The following DISC1 variants were observed in gnomAD, a reference collection of about 807,000 sequenced individuals.
DISC1 encodes the protein DISC1 scaffold protein.
Under a neutral mutation model 84.5 loss-of-function variants are expected in DISC1, and 57 were observed. That is an observed-to-expected ratio of 0.67 (90% CI 0.55 to 0.84). DISC1 has a LOEUF of 0.84. Among genes scored for constraint, DISC1 ranks in the 40% least tolerant of loss-of-function variants. DISC1 has a pLI of 0.00. For missense variants in DISC1, 1,000 were observed against 1,057.8 expected, an observed-to-expected ratio of 0.95 and a Z score of 0.76; for synonymous variants, 411 against 415.2, an observed-to-expected ratio of 0.99 and a Z score of 0.12.
chr1:232,025,630 T>C (rs1232519067), intron 11 of DISC1, among the ~76,000 whole-genome samples: 4 of 147,478 alleles, frequency 2.7e-5, no homozygotes, highest in Non-Finnish European at 5.9e-5. Flanking sequence ...GGAGTCTCGC[T>C]CTGTCGCCCA....
At chr1:232,025,680 T>C (rs1390348651) in intron 11 of DISC1, among the ~76,000 whole-genome samples, 1 of 149,620 alleles carries the variant, frequency 6.7e-6, no homozygotes, top group Admixed American at 6.7e-5. Context: ...CACTGCAAGC[T>C]CCGCCTCCTG....
At chr1:231,697,863 C>G (rs112498664) in intron 2 of DISC1, among the ~76,000 whole-genome samples, 27 of 152,260 alleles carry the variant, frequency 1.8e-4, no homozygotes, top group African/African-American at 6.3e-4. Context: ...TCTCATACTA[C>G]AAACTAGTAT....
intron 4 of DISC1, among the ~76,000 whole-genome samples, chr1:231,766,307 A>AAC (rs397951947): frequency 6.8e-6 from 1 of 146,264 alleles, no homozygotes; most frequent in Non-Finnish European, 1.5e-5. Context: ...AAAAAAAAAA[A>AAC]CAAAATTAAG....
chr1:232,022,263 AC>A (rs1202284227), intron 11 of DISC1, among the ~76,000 whole-genome samples: 8 of 151,302 alleles, frequency 5.3e-5, no homozygotes, highest in Non-Finnish European at 1.0e-4. Flanking sequence ...TCATTTATGG[AC>A]TAAGAGGCAG....
chr1:231,762,215 CTTCTTTTCTTTTCTTTTCTT>C (rs71179792), intron 4 of DISC1, among the ~76,000 whole-genome samples: 1 of 80,246 alleles, frequency 1.2e-5, no homozygotes, highest in African/African-American at 4.6e-5. Flanking sequence ...TTTCTTTTCT[CTTCTTTTCTTTTCTTTTCTT>C]TTCTTTTCTT....
At chr1:231,847,231 T>C (rs2083514688) in intron 9 of DISC1, among the ~76,000 whole-genome samples, 1 of 152,048 alleles carries the variant, frequency 6.6e-6, no homozygotes, top group Non-Finnish European at 1.5e-5. Context: ...TCCCTTTGTG[T>C]GTGTCTGTGT....
At chr1:231,712,335 A>G (rs768423642) in intron 3 of DISC1, among the ~76,000 whole-genome samples, 1 of 152,244 alleles carries the variant, frequency 6.6e-6, no homozygotes, top group Non-Finnish European at 1.5e-5. Flanking sequence ...TATACGGCAT[A>G]ACCACCAAAA....
chr1:232,000,644 T>C (rs1425946793), intron 10 of DISC1, among the ~76,000 whole-genome samples: 1 of 152,084 alleles, frequency 6.6e-6, no homozygotes. Flanking sequence ...CTAAGACACA[T>C]AAGAATTGAA....
Position 231,919,399 on chromosome 1 carries a change from A to G in DISC1, c.1982-39429A>G, listed in dbSNP as rs558435823. Among the ~76,000 whole-genome samples, 6 of 152,314 alleles carry G rather than the reference A, an allele frequency of 3.9e-5. No individual in the cohort carries two copies. The East Asian group carries it at 5.8e-4, about 15-fold the overall frequency. ...TTTGGGTGGATTTCTTTTTCCTCCA[A>G]TGCTTAAAAGGTTTAGTAAGTGAAT... On this transcript the variant is annotated intron_variant, in intron 9 of 12. Transcript: ENST00000439617.
intron 4 of DISC1, among the ~76,000 whole-genome samples, chr1:231,764,198 C>T (rs1344092857): frequency 6.6e-6 from 1 of 152,160 alleles, no homozygotes; most frequent in African/African-American, 2.4e-5. Context: ...ATGTCTGCTC[C>T]TCTGCAGGGG....
At chr1:231,756,940 C>G (rs1244484798) in intron 4 of DISC1, among the ~76,000 whole-genome samples, 2 of 152,094 alleles carry the variant, frequency 1.3e-5, no homozygotes, top group African/African-American at 4.8e-5. Flanking sequence ...TTTCAGTGTG[C>G]CAGCTACCCA....
intron 7 of DISC1, among the ~76,000 whole-genome samples, chr1:231,796,737 T>C (rs1241210075): frequency 2.6e-5 from 4 of 152,142 alleles, no homozygotes; most frequent in African/African-American, 9.7e-5. Context: ...TCTGCTCTGC[T>C]CACCCAAAGG....
At chr1:231,944,093 G>A (rs540266269) in intron 9 of DISC1, 1 of 152,256 alleles carries the variant, frequency 6.6e-6, no homozygotes, top group East Asian at 1.9e-4. Flanking sequence ...GAATTCCTTG[G>A]ACTCTATATC....
intron 1 of DISC1, among the ~76,000 whole-genome samples, chr1:231,653,425 T>C (rs1285833560): frequency 1.3e-5 from 2 of 151,908 alleles, no homozygotes; most frequent in Non-Finnish European, 2.9e-5. Context: ...AGCTGGCTGA[T>C]AGTGGAAGAG....
At chr1:231,710,579 T>C (rs2067693217) in intron 3 of DISC1, among the ~76,000 whole-genome samples, 1 of 152,178 alleles carries the variant, frequency 6.6e-6, no homozygotes. Flanking sequence ...TAGAAACTTA[T>C]TGTCTCACTG....
chr1:231,808,962 G>A (rs1380785398), intron 8 of DISC1, among the ~76,000 whole-genome samples: 2 of 152,216 alleles, frequency 1.3e-5, no homozygotes, highest in South Asian at 2.1e-4. Flanking sequence ...TTGTCCCTGG[G>A]CCACTCCAGA....
chr1:231,765,061 G>A (rs1042482826), intron 4 of DISC1, among the ~76,000 whole-genome samples: 4 of 151,998 alleles, frequency 2.6e-5, no homozygotes, highest in East Asian at 1.9e-4. Flanking sequence ...GTGGTGGCGC[G>A]TGCCTGTAGT....
chr1:231,634,874 A>C (rs866664772), intron 1 of DISC1, among the ~76,000 whole-genome samples: 1 of 152,020 alleles, frequency 6.6e-6, no homozygotes, highest in Non-Finnish European at 1.5e-5. Context: ...TTGTGCCTAC[A>C]AATAGCCACT....
chr1:231,638,529 G>A (rs1051431669), intron 1 of DISC1, among the ~76,000 whole-genome samples: 1 of 152,016 alleles, frequency 6.6e-6, no homozygotes, highest in Non-Finnish European at 1.5e-5. Flanking sequence ...ATATGATGAG[G>A]TATAGGGGTC....
Sources: allele counts gnomAD v4.1 joint callset (sites outside exome capture counted in the v4.1 genomes callset), GRCh38; gene constraint gnomAD v4.1.1; transcripts MANE v1.5; gene names NCBI Gene and HGNC (gene_info 2026-07-23, HGNC 2026-07-21).